Variants in GSAP observed in about 807,000 individuals in gnomAD.
The protein encoded by GSAP is gamma-secretase-activating protein.
A neutral mutation model predicts 131.7 loss-of-function variants in GSAP; 118 were observed. That is an observed-to-expected ratio of 0.90 (90% CI 0.77 to 1.04). GSAP has a LOEUF of 1.04. GSAP is among the 50% of genes least tolerant of loss of function. The pLI is 0.00. For synonymous variants in GSAP, 381 were observed against 363.4 expected (o/e 1.05, Z -0.55); for missense variants, 1,019 against 1,013.2 (o/e 1.01, Z -0.08).
At chr7:77,326,142 A>C in intron 23 of GSAP, 70 bp downstream of exon 23, 1 of 945,484 alleles carries the variant, frequency 1.1e-6, no homozygotes, top group Non-Finnish European at 1.6e-6. Flanking sequence ...TGAGAAGCCC[A>C]CTGTAATCCT....
At chr7:77,410,311 C>A (rs1474782465) in intron 1 of GSAP, among the ~76,000 whole-genome samples, 6 of 152,208 alleles carry the variant, frequency 3.9e-5, no homozygotes. Flanking sequence ...AGACCAATGT[C>A]TCACCACATA....
At chr7:77,387,512 C>T in intron 5 of GSAP, 64 bp from the exon 6 acceptor site, 3 of 880,192 alleles carry the variant, frequency 3.4e-6, no homozygotes, top group East Asian at 4.8e-5. Context: ...TTTTCCAAAG[C>T]AAGGAGTAAG....
chr7:77,312,230 C>A (rs35791980), intron 28 of GSAP, 28 bp from the exon 29 acceptor site: 454,240 of 1,118,210 alleles, frequency 0.41, 95,914 homozygotes, highest in African/African-American at 0.65. Context: ...AAAAATGTAG[C>A]GAATACCACA....
intron 14 of GSAP, 84 bp from the exon 15 acceptor site, chr7:77,355,731 G>A: frequency 1.3e-6 from 1 of 748,742 alleles, no homozygotes; most frequent in Non-Finnish European, 2.3e-6. Flanking sequence ...GCTTGTCTCT[G>A]AATATCTCAA....
intron 5 of GSAP, among the ~76,000 whole-genome samples, chr7:77,388,251 T>G (rs1162812303): frequency 6.6e-6 from 1 of 152,242 alleles, no homozygotes; most frequent in Admixed American, 6.5e-5. Context: ...TCTAGGCTTT[T>G]AAGTCTAAAC....
At chr7:77,382,688 TGA>T in intron 6 of GSAP, 45 bp from the exon 7 acceptor site, 2 of 1,044,864 alleles carry the variant, frequency 1.9e-6, no homozygotes, top group East Asian at 2.4e-5. Context: ...CTATCTTGCT[TGA>T]ACAAGTATTT....
At chr7:77,389,864 C>T (rs1203081450) in intron 5 of GSAP, among the ~76,000 whole-genome samples, 1 of 152,190 alleles carries the variant, frequency 6.6e-6, no homozygotes, top group Non-Finnish European at 1.5e-5. Context: ...ACCACACTGT[C>T]TTCCACAATG....
intron 27 of GSAP, among the ~76,000 whole-genome samples, 172 bp downstream of exon 27, chr7:77,314,198 C>A (rs991255219): frequency 3.3e-5 from 5 of 152,130 alleles, no homozygotes; most frequent in Non-Finnish European, 7.4e-5. Flanking sequence ...CGAGCAAGCC[C>A]TCGTTCAAAT....
In GSAP at chr7:77,402,684, TA is replaced by T. The variant is rs60282862; in HGVS notation, c.243+1874del. ...TTCAATAAAACCATCAAAAGGTCCG[TA>T]AAAAAAAAAAAAAACATATGGGCTG... On this transcript the variant is annotated intron_variant, in intron 3 of 30. Transcript: ENST00000257626. Among the ~76,000 whole-genome samples, 222 of 111,834 alleles carry T rather than the reference TA, an allele frequency of 2.0e-3. 1 individual carries two copies. The highest frequency in any genetic ancestry group is 9.8e-3 in the Middle Eastern group (2 of 204). 73.4% of individuals were successfully genotyped at this position (111,834 alleles called of 152,430 possible). A position where few individuals can be genotyped will look rare whatever the true frequency, so the allele number is the denominator to read the frequency against.
chr7:77,365,898 G>GTTTTTTTTTTTTTT, intron 12 of GSAP, among the ~76,000 whole-genome samples: 1 of 115,584 alleles, frequency 8.7e-6, no homozygotes, highest in Non-Finnish European at 1.7e-5. Context: ...GCAACTGTGG[G>GTTTTTTTTTTTTTT]TTTTTTTTTT....
intron 19 of GSAP, among the ~76,000 whole-genome samples, chr7:77,336,650 A>T (rs1039396970): frequency 6.6e-6 from 1 of 152,034 alleles, no homozygotes; most frequent in Non-Finnish European, 1.5e-5. Flanking sequence ...CACCATGCCC[A>T]GCTAATTTTT....
At chr7:77,353,065 T>C (rs1487014541) in intron 17 of GSAP, 39 bp from the exon 18 acceptor site, 2 of 1,137,992 alleles carry the variant, frequency 1.8e-6, no homozygotes, top group Non-Finnish European at 2.7e-6. Flanking sequence ...AAAAAAGATG[T>C]GGTTTAATAA....
At chr7:77,319,589 G>A (rs945728757) in intron 26 of GSAP, among the ~76,000 whole-genome samples, 1 of 152,182 alleles carries the variant, frequency 6.6e-6, no homozygotes, top group African/African-American at 2.4e-5. Context: ...GAAGAGATAT[G>A]TATATACTCC....
At chr7:77,359,048 A>C (rs1460512981) in intron 14 of GSAP, among the ~76,000 whole-genome samples, 1 of 152,094 alleles carries the variant, frequency 6.6e-6, no homozygotes, top group East Asian at 1.9e-4. Flanking sequence ...TTAGCTAGGC[A>C]TGGTGGCGTG....
At chr7:77,392,646 C>T (rs1479016787) in intron 5 of GSAP, among the ~76,000 whole-genome samples, 1 of 152,142 alleles carries the variant, frequency 6.6e-6, no homozygotes, top group Non-Finnish European at 1.5e-5. Context: ...ACAGCAGGAT[C>T]AGGCAGAGGG....
At chr7:77,349,486 C>T in intron 18 of GSAP, 82 bp from the exon 19 acceptor site, 3 of 1,209,732 alleles carry the variant, frequency 2.5e-6, no homozygotes, top group Non-Finnish European at 3.6e-6. Flanking sequence ...GTGTTTTCTG[C>T]ACAGACAGAA....
Position 77,374,646 on chromosome 7 carries a change from G to GA in GSAP, c.785+411dup, listed in dbSNP as rs76611576. 4.8e-3 allele frequency among the ~76,000 whole-genome samples: 628 copies of GA among 129,684 alleles called. 2 individuals are homozygous for GA. The highest frequency in any genetic ancestry group is 9.3e-3 in the Admixed American group (121 of 12,958). 85.1% of individuals were successfully genotyped at this position (129,684 alleles called of 152,430 possible). Reference sequence around the variant, plus strand: ...TGTCTTTTGTGTAAAAAGGAAAACAGAAAAAAAAAAAAACCAATTAATTCA... The same window carrying GA: ...TGTCTTTTGTGTAAAAAGGAAAACAGAAAAAAAAAAAAAACCAATTAATTCA... On this transcript the variant is annotated intron_variant, in intron 11 of 30. Coordinates refer to ENST00000257626, the MANE Select transcript of GSAP (RefSeq NM_017439.4).
intron 8 of GSAP, among the ~76,000 whole-genome samples, chr7:77,380,557 G>A (rs1563075634): frequency 6.6e-6 from 1 of 152,148 alleles, no homozygotes; most frequent in Non-Finnish European, 1.5e-5. Context: ...GACTGAATTG[G>A]AGCTATTCTA....
At chr7:77,389,673 C>T (rs1584684342) in intron 5 of GSAP, among the ~76,000 whole-genome samples, 1 of 152,244 alleles carries the variant, frequency 6.6e-6, no homozygotes, top group South Asian at 2.1e-4. Flanking sequence ...TTTCTTAATC[C>T]AGTCTATCAT....
Sources: gnomAD v4.1 joint callset for allele counts (sites outside exome capture counted in the v4.1 genomes callset) on GRCh38, gnomAD v4.1.1 for gene constraint, MANE v1.5 for transcripts, NCBI Gene and HGNC (gene_info 2026-07-23, HGNC 2026-07-21) for gene names.